The following IL1RL1 variants were observed in gnomAD, a reference collection of about 807,000 sequenced individuals.
IL1RL1 encodes interleukin-1 receptor-like 1.
In IL1RL1, 32 loss-of-function variants were observed where a neutral mutation model predicts 50.9. The ratio of observed to expected loss-of-function variants is 0.63; its 90% CI spans 0.47 to 0.84. The LOEUF (loss-of-function observed/expected upper bound fraction) is 0.84. IL1RL1 is among the 40% of genes least tolerant of loss of function. IL1RL1 has a pLI of 0.00. For missense variants in IL1RL1, 773 were observed against 662.9 expected, an observed-to-expected ratio of 1.17 and a Z score of -1.82; for synonymous variants, 275 against 236.0, an observed-to-expected ratio of 1.17 and a Z score of -1.51.
At chr2:102,311,973 T>TATTATATATA (rs1676510131) in intron 1 of IL1RL1, among the ~76,000 whole-genome samples, 3 of 15,432 alleles carry the variant, frequency 1.9e-4, no homozygotes, top group African/African-American at 7.8e-4. Flanking sequence ...TATATAATAT[T>TATTATATATA]ATATATAATA....
At chr2:102,348,115 T>A in intron 9 of IL1RL1, 24 bp downstream of exon 9, 3 of 1,592,062 alleles carry the variant, frequency 1.9e-6, no homozygotes, top group Non-Finnish European at 2.6e-6. Flanking sequence ...ACCAAGTTTT[T>A]CTCCCAAAGA....
chr2:102,319,954 GC>G (rs1175149848), intron 1 of IL1RL1, among the ~76,000 whole-genome samples: 1 of 152,188 alleles, frequency 6.6e-6, no homozygotes, highest in Non-Finnish European at 1.5e-5. Flanking sequence ...CTCCCAAAGT[GC>G]TGGGATTACT....
chr2:102,337,935 T>C (rs1369567275), intron 1 of IL1RL1, among the ~76,000 whole-genome samples, 181 bp from the exon 2 acceptor site: 4 of 152,192 alleles, frequency 2.6e-5, no homozygotes, highest in Non-Finnish European at 4.4e-5. Flanking sequence ...TTGTGAAAGC[T>C]ATATGACCCA....
At chr2:102,323,109 T>C (rs960212762) in intron 1 of IL1RL1, among the ~76,000 whole-genome samples, 1 of 151,968 alleles carries the variant, frequency 6.6e-6, no homozygotes, top group East Asian at 1.9e-4. Context: ...TTGGATTATG[T>C]TTAATTTTTG....
chr2:102,326,687 A>G (rs867177229), intron 1 of IL1RL1, among the ~76,000 whole-genome samples: 1 of 148,956 alleles, frequency 6.7e-6, no homozygotes. Flanking sequence ...AACAAAAAAA[A>G]GGCAGGGGTT....
chr2:102,323,853 A>T (rs1676911727), intron 1 of IL1RL1, among the ~76,000 whole-genome samples: 1 of 152,118 alleles, frequency 6.6e-6, no homozygotes, highest in Non-Finnish European at 1.5e-5. Flanking sequence ...AATCTCTCTC[A>T]TACTCCTTTA....
At position 102,331,992 on chromosome 2, in the gene IL1RL1, T is replaced by G. The variant is rs544666153; in HGVS notation, c.-149-6124T>G. ...CTGAGGTGGGAGGATCACCTGAGCC[T>G]GGGAGGTGGAGACTGCAGTGAGCCA... On this transcript the variant is annotated intron_variant, in intron 1 of 10. Coordinates refer to ENST00000233954, the MANE Select transcript of IL1RL1 (RefSeq NM_016232.5). Among the ~76,000 whole-genome samples the G allele has an allele frequency of 5.3e-5, 8 of 152,170 alleles. No individual in the cohort carries two copies. The East Asian group carries it at 7.7e-4, about 15-fold the overall frequency.
At chr2:102,337,060 A>G (rs912390411) in intron 1 of IL1RL1, 4 of 152,212 alleles carry the variant, frequency 2.6e-5, no homozygotes, top group African/African-American at 9.6e-5. Context: ...CTAAAATAGG[A>G]GGAAATGATT....
intron 1 of IL1RL1, among the ~76,000 whole-genome samples, chr2:102,319,056 C>T (rs1676761111): frequency 6.6e-6 from 1 of 152,088 alleles, no homozygotes; most frequent in South Asian, 2.1e-4. Context: ...AGTAAATCAG[C>T]TCGGAAAACT....
In IL1RL1 at chr2:102,343,138, G is replaced by A; in HGVS notation, c.785G>A (p.Gly262Asp). The change falls in exon 7 of 11, where the codon GGT becomes GAT. Residue 262 changes from glycine (G) to aspartate (D), a missense_variant. Coordinates refer to ENST00000233954, the MANE Select transcript of IL1RL1 (RefSeq NM_016232.5). ...QLNGTKITDF[G>D]EPRIQQEEGQ... is the part of the protein sequence containing the mutation. ...AATGGAACAAAAATTACAGACTTTGGTGAACCAAGAATTCAACAAGAGGAA... is the reference window on the plus strand; with the variant it reads ...AATGGAACAAAAATTACAGACTTTGATGAACCAAGAATTCAACAAGAGGAA... The A allele has an allele frequency of 6.2e-7, 1 of 1,614,086 alleles. No homozygotes were observed. The highest frequency in any genetic ancestry group is 8.5e-7 in the Non-Finnish European group (1 of 1,180,000).
At chr2:102,314,197 T>A (rs10191914) in intron 1 of IL1RL1, among the ~76,000 whole-genome samples, 2 of 151,954 alleles carry the variant, frequency 1.3e-5, no homozygotes, top group Non-Finnish European at 2.9e-5. Context: ...TGCCAGACCC[T>A]GAGACAAGCA....
At chr2:102,350,543 C>T (rs1677898789) in intron 10 of IL1RL1, among the ~76,000 whole-genome samples, 1 of 152,266 alleles carries the variant, frequency 6.6e-6, no homozygotes, top group Admixed American at 6.5e-5. Flanking sequence ...TCATGACTGA[C>T]TAAGGTACTG....
At chr2:102,347,419 G>T (rs992024626) in intron 8 of IL1RL1, among the ~76,000 whole-genome samples, 6 of 152,186 alleles carry the variant, frequency 3.9e-5, no homozygotes, top group Non-Finnish European at 8.8e-5. Context: ...TTTCAAGTCT[G>T]GACAGAACCT....
chr2:102,325,793 G>A (rs1676981232), intron 1 of IL1RL1, among the ~76,000 whole-genome samples: 1 of 152,172 alleles, frequency 6.6e-6, no homozygotes, highest in Non-Finnish European at 1.5e-5. Context: ...GAGAAGAGAA[G>A]TTTAGAGAAA....
chr2:102,351,029 G>A (rs756093349), intron 10 of IL1RL1, among the ~76,000 whole-genome samples: 1 of 152,138 alleles, frequency 6.6e-6, no homozygotes, highest in Non-Finnish European at 1.5e-5. Context: ...GATCAAATCA[G>A]TTTCTACAAC....
intron 9 of IL1RL1, 34 bp from the exon 10 acceptor site, chr2:102,349,045 A>T: frequency 6.4e-7 from 1 of 1,567,412 alleles, no homozygotes; most frequent in Non-Finnish European, 8.8e-7. Context: ...TTTAGAATCA[A>T]GTAAGAAGTT....
intron 5 of IL1RL1, among the ~76,000 whole-genome samples, chr2:102,341,735 C>G (rs180908735): frequency 6.6e-6 from 1 of 152,084 alleles, no homozygotes. Context: ...AAGCACTGCC[C>G]GTCTTTCAGC....
At chr2:102,338,540 C>A (rs1382877534) in intron 2 of IL1RL1, among the ~76,000 whole-genome samples, 1 of 152,088 alleles carries the variant, frequency 6.6e-6, no homozygotes, top group Non-Finnish European at 1.5e-5. Context: ...TATTCAAATG[C>A]AGCAGAATTT....
intron 1 of IL1RL1, among the ~76,000 whole-genome samples, chr2:102,311,987 ATTATATATAATATATTT>A (rs1676514472): frequency 4.7e-5 from 2 of 43,002 alleles, no homozygotes; most frequent in African/African-American, 3.1e-4. Context: ...TATAATATAT[ATTATATATAATATATTT>A]ATATATATTA....
Sources: gnomAD v4.1 joint callset for allele counts (sites outside exome capture counted in the v4.1 genomes callset) on GRCh38, gnomAD v4.1.1 for gene constraint, MANE v1.5 for transcripts, NCBI Gene and HGNC (gene_info 2026-07-23, HGNC 2026-07-21) for gene names.